The following SCN11A variants were observed in gnomAD, a reference collection of about 807,000 sequenced individuals.
The protein encoded by SCN11A is sodium voltage-gated channel alpha subunit 11, also known as sodium channel protein type 11 subunit alpha.
SCN11A carries 122 observed loss-of-function variants against 162.2 expected under a neutral mutation model. The ratio of observed to expected loss-of-function variants is 0.75; its 90% CI spans 0.65 to 0.87. SCN11A has a LOEUF of 0.87. Ranked by LOEUF, SCN11A falls within the 40% of genes least tolerant of loss-of-function variation. SCN11A has a pLI of 0.00. For missense variants in SCN11A, 2,015 were observed against 2,181.6 expected (o/e 0.92, Z 1.52); for synonymous variants, 758 against 751.5 (o/e 1.01, Z -0.14).
Position 38,929,984 on chromosome 3 carries a change from A to C in SCN11A, c.489-3053T>G, listed in dbSNP as rs557082970. ...CCAGTCTGTGGTATTTTGTTATCAC[A>C]ACATAAAATTGACTAAGATAATTCT... is the stretch of plus-strand genomic sequence containing the variant. On this transcript the variant is annotated intron_variant, in intron 7 of 29. Transcript: ENST00000302328. Among the ~76,000 whole-genome samples the C allele has an allele frequency of 2.0e-5, 3 of 152,342 alleles. No homozygotes were observed. The South Asian group carries it at 6.2e-4, about 32-fold the overall frequency.
intron 11 of SCN11A, among the ~76,000 whole-genome samples, chr3:38,918,090 A>G (rs1028236606): frequency 1.3e-5 from 2 of 152,096 alleles, no homozygotes; most frequent in Admixed American, 1.3e-4. Context: ...TAGTATTGTA[A>G]TAAGAGATTT....
chr3:39,047,598 G>C (rs553405161), intron 1 of SCN11A, among the ~76,000 whole-genome samples: 27 of 152,116 alleles, frequency 1.8e-4, no homozygotes, highest in African/African-American at 6.0e-4. Context: ...ACAGCCTACA[G>C]AATGAGAGAA....
At chr3:39,042,564 A>G (rs1357368866) in intron 1 of SCN11A, among the ~76,000 whole-genome samples, 7 of 152,306 alleles carry the variant, frequency 4.6e-5, no homozygotes, top group African/African-American at 7.2e-5. Context: ...ATGGGAGAAA[A>G]TATTAGCAAA....
chr3:39,005,814 T>C (rs984115192), intron 2 of SCN11A, among the ~76,000 whole-genome samples: 1 of 152,258 alleles, frequency 6.6e-6, no homozygotes, highest in African/African-American at 2.4e-5. Context: ...GCTTTACTAA[T>C]TTTTTCCCCT....
intron 7 of SCN11A, among the ~76,000 whole-genome samples, chr3:38,932,392 C>T (rs530150570): frequency 6.6e-5 from 10 of 152,216 alleles, no homozygotes; most frequent in South Asian, 2.1e-4. Context: ...TGCAGCGCAC[C>T]GTGCATGAGC....
intron 7 of SCN11A, among the ~76,000 whole-genome samples, chr3:38,943,406 A>G (rs1350546829): frequency 6.6e-6 from 1 of 152,168 alleles, no homozygotes; most frequent in African/African-American, 2.4e-5. Context: ...AGTGGTTTAT[A>G]TTGCATAATT....
rs769267223 is a variant in SCN11A, at chr3:38,919,966, A to G, written c.928T>C (p.Phe310Leu). Residue 310 changes from phenylalanine (F) to leucine (L), a missense_variant, in exon 11 of 30, where the codon TTC (phenylalanine) becomes CTC (leucine). Transcript: ENST00000302328. ...CCCATCCAGATGCCACACATTTTGA[A>G]TTCAGGTGAATTTTCTTTCTTTTCA... Reference protein sequence around the residue: ...CFEKKENSPEFKMCGIWMGNS... With the variant: ...CFEKKENSPELKMCGIWMGNS... The G allele has an allele frequency of 1.9e-6, 3 of 1,613,546 alleles. No individual in the cohort carries two copies. Among genetic ancestry groups the G allele is most frequent in the Admixed American group, 1.7e-5 (1 of 59,976 alleles).
At chr3:38,985,351 C>T (rs891463547) in intron 2 of SCN11A, among the ~76,000 whole-genome samples, 1 of 150,346 alleles carries the variant, frequency 6.7e-6, no homozygotes, top group East Asian at 1.9e-4. Context: ...AGGATGGTCT[C>T]GATCTCCTGA....
At chr3:38,972,906 T>C (rs1409497553) in intron 2 of SCN11A, among the ~76,000 whole-genome samples, 1 of 152,156 alleles carries the variant, frequency 6.6e-6, no homozygotes, top group Non-Finnish European at 1.5e-5. Flanking sequence ...CCTGATAACA[T>C]TGTCAGCAAA....
In SCN11A at chr3:39,040,692, A is replaced by T. The variant is rs948324286; in HGVS notation, c.-403-8189T>A. Among the ~76,000 whole-genome samples the T allele has an allele frequency of 4.3e-4, 65 of 152,244 alleles. 1 individual carries two copies. The highest frequency in any genetic ancestry group is 4.4e-5 in the Non-Finnish European group (3 of 68,044). ...AAGAAACATATATTATTTTTTTAAAAGAACCAAACAGAAATCTTGAAGCTA... is the reference window on the plus strand; with the variant it reads ...AAGAAACATATATTATTTTTTTAAATGAACCAAACAGAAATCTTGAAGCTA... On this transcript the variant is annotated intron_variant, in intron 1 of 29. Coordinates refer to ENST00000302328, the MANE Select transcript of SCN11A (RefSeq NM_001349253.2).
In SCN11A at chr3:38,850,507, C is replaced by A. The variant is rs765274047; in HGVS notation, c.4301G>T (p.Cys1434Phe). Residue 1434 changes from cysteine (C) to phenylalanine (F), a missense_variant, in exon 29 of 30, where the codon TGT (cysteine) becomes TTT (phenylalanine). Physicochemically the swap from Cys to Phe is radical, Grantham distance 205 (BLOSUM62 -2). Coordinates refer to ENST00000302328, the MANE Select transcript of SCN11A (RefSeq NM_001349253.2). ...YFTNGWNLFDCVVVLLSIVST... is the reference protein window; with the variant it reads ...YFTNGWNLFDFVVVLLSIVST... ...AACAATGGAAAGAAGCACGACCACA[C>A]AGTCAAATAAATTCCAGCCATTGGT... 159 of 1,613,530 alleles carry A rather than the reference C, an allele frequency of 9.9e-5. 1 individual carries two copies. Among genetic ancestry groups the A allele is most frequent in the Non-Finnish European group, 1.3e-4 (154 of 1,179,790 alleles).
At position 38,896,929 on chromosome 3, in the gene SCN11A, C is replaced by A; in HGVS notation, c.2319G>T (p.Met773Ile). 1 of 1,613,782 alleles carries A rather than the reference C, an allele frequency of 6.2e-7. No homozygotes were observed. Among genetic ancestry groups the A allele is most frequent in the Non-Finnish European group, 8.5e-7 (1 of 1,179,980 alleles). The change falls in exon 18 of 30, where the codon ATG becomes ATT. Residue 773 changes from methionine (M) to isoleucine (I), a missense_variant. By Grantham distance (10) the Met-to-Ile change is conservative. Transcript: ENST00000302328. ...CATTCGCTTCTTGCATACATTCCCA[C>A]ATATTTTCGATCCATTCCCCGCAGA... is the stretch of plus-strand genomic sequence containing the variant. ...RILCGEWIEN[M>I]WECMQEANAS...
At chr3:38,866,505 C>T (rs930113263) in intron 27 of SCN11A, among the ~76,000 whole-genome samples, 1 of 152,238 alleles carries the variant, frequency 6.6e-6, no homozygotes, top group Non-Finnish European at 1.5e-5. Context: ...CACGCATGAG[C>T]CACCACGCCC....
chr3:38,924,087 C>T (rs931980247), intron 9 of SCN11A, among the ~76,000 whole-genome samples: 1 of 152,172 alleles, frequency 6.6e-6, no homozygotes, highest in African/African-American at 2.4e-5. Context: ...AAGCCGGGAT[C>T]TTTAGTCCAC....
chr3:39,009,781 A>ATCC (rs1263234215), intron 2 of SCN11A, among the ~76,000 whole-genome samples: 1 of 150,702 alleles, frequency 6.6e-6, no homozygotes, highest in South Asian at 2.1e-4. Flanking sequence ...AACTCAAGTG[A>ATCC]TCCTCCCACC....
chr3:38,980,084 G>A (rs1575345366), intron 2 of SCN11A, among the ~76,000 whole-genome samples: 1 of 152,196 alleles, frequency 6.6e-6, no homozygotes, highest in African/African-American at 2.4e-5. Flanking sequence ...GAGAACCTGA[G>A]CGACTCAGTG....
chr3:39,042,756 G>A (rs964227169), intron 1 of SCN11A, among the ~76,000 whole-genome samples: 2 of 151,846 alleles, frequency 1.3e-5, no homozygotes, highest in Admixed American at 6.6e-5. Context: ...TCAGGAGTTC[G>A]ACACCAGCCT....
In SCN11A at chr3:38,904,011, C is replaced by T. The variant is rs201421435; in HGVS notation, c.1696G>A (p.Val566Ile). 1.5e-5 allele frequency: 24 copies of T among 1,613,102 alleles called. No individual in the cohort carries two copies. The highest frequency in any genetic ancestry group is 3.3e-5 in the South Asian group (3 of 90,744). Residue 566 changes from valine (V) to isoleucine (I), a missense_variant, in exon 16 of 30, where the codon GTT becomes ATT. Val to Ile is a conservative substitution (Grantham distance 29). Transcript: ENST00000302328. ...ATCACAGTTCTCAGGACCTTCTTAACGCACAGCCACTGGGGGCAACAGTTC... is the reference window on the plus strand; with the variant it reads ...ATCACAGTTCTCAGGACCTTCTTAATGCACAGCCACTGGGGGCAACAGTTC... Reference protein sequence around the residue: ...VWNCCPQWLCVKKVLRTVMTD... With the variant: ...VWNCCPQWLCIKKVLRTVMTD...
intron 25 of SCN11A, 111 bp from the exon 26 acceptor site, chr3:38,870,855 C>T (rs574802820): frequency 3.0e-5 from 24 of 811,360 alleles, no homozygotes; most frequent in African/African-American, 2.2e-4. Flanking sequence ...TAAGATGATA[C>T]CCCAACCTTC....
Sources: gnomAD v4.1 joint callset for allele counts (sites outside exome capture counted in the v4.1 genomes callset) on GRCh38, gnomAD v4.1.1 for gene constraint, MANE v1.5 for transcripts, NCBI Gene and HGNC (gene_info 2026-07-23, HGNC 2026-07-21) for gene names.